KLHL14: variants seen among roughly 807,000 people sequenced by gnomAD.
KLHL14 encodes kelch like family member 14, also known as kelch-like protein 14.
KLHL14 carries 22 observed loss-of-function variants against 64.3 expected under a neutral mutation model. That is an observed-to-expected ratio of 0.34 (90% CI 0.24 to 0.49). The LOEUF is 0.49. KLHL14 is among the 20% of genes least tolerant of loss of function. The pLI, the probability that KLHL14 is intolerant of heterozygous loss-of-function variation, is 0.99. For missense variants in KLHL14, 661 were observed against 789.0 expected, an observed-to-expected ratio of 0.84 and a Z score of 1.94; for synonymous variants, 322 against 333.4, an observed-to-expected ratio of 0.97 and a Z score of 0.37.
At chr18:32,738,967 T>C (rs2144527506) in intron 3 of KLHL14, among the ~76,000 whole-genome samples, 1 of 152,290 alleles carries the variant, frequency 6.6e-6, no homozygotes, top group Admixed American at 6.5e-5. Context: ...AGTGAGTATC[T>C]GTGCACCTGC....
chr18:32,743,813 A>G (rs571117553), intron 2 of KLHL14: 1 of 152,212 alleles, frequency 6.6e-6, no homozygotes, highest in Non-Finnish European at 1.5e-5. Flanking sequence ...GAAAACATAC[A>G]TACATAATTC....
At chr18:32,747,647 C>A (rs1283652524) in intron 2 of KLHL14, among the ~76,000 whole-genome samples, 1 of 152,192 alleles carries the variant, frequency 6.6e-6, no homozygotes, top group Non-Finnish European at 1.5e-5. Flanking sequence ...CCACCACTCA[C>A]CTCCTGCTGT....
At chr18:32,690,647 T>C (rs766778320) in intron 4 of KLHL14, among the ~76,000 whole-genome samples, 1 of 152,138 alleles carries the variant, frequency 6.6e-6, no homozygotes, top group Non-Finnish European at 1.5e-5. Context: ...GAGAATCACT[T>C]GAACCCAGAA....
At chr18:32,678,421 G>C (rs1429469680) in intron 7 of KLHL14, among the ~76,000 whole-genome samples, 1 of 152,080 alleles carries the variant, frequency 6.6e-6, no homozygotes, top group Non-Finnish European at 1.5e-5. Flanking sequence ...GGTTATTTCG[G>C]TTACTAACTT....
chr18:32,678,269 C>T (rs191095116), intron 7 of KLHL14, among the ~76,000 whole-genome samples: 4 of 152,182 alleles, frequency 2.6e-5, no homozygotes, highest in Admixed American at 1.3e-4. Context: ...CTATTTTTCC[C>T]GTAGTTAAAT....
In KLHL14 at chr18:32,712,208, GA is replaced by G. The variant is rs139236837; in HGVS notation, c.1070-16657del. 5.5e-3 allele frequency among the ~76,000 whole-genome samples: 841 copies of G among 152,264 alleles called. 4 individuals carry two copies. The highest frequency in any genetic ancestry group is 0.02 in the African/African-American group (816 of 41,558). ...AAATATTTACTATCTTGCCCTTACA[GA>G]AAAAGTTTGCCCACCTTTGTCCTAA... On this transcript the variant is annotated intron_variant, in intron 3 of 8. Coordinates refer to ENST00000359358, the MANE Select transcript of KLHL14 (RefSeq NM_020805.3).
chr18:32,679,963 A>G (rs1032240503), intron 7 of KLHL14, among the ~76,000 whole-genome samples: 2 of 152,104 alleles, frequency 1.3e-5, no homozygotes, highest in African/African-American at 4.8e-5. Flanking sequence ...TTTTATGTGT[A>G]TGGTAACTTA....
At chr18:32,675,168 A>T (rs1444620153) in intron 8 of KLHL14, among the ~76,000 whole-genome samples, 1 of 152,160 alleles carries the variant, frequency 6.6e-6, no homozygotes, top group Non-Finnish European at 1.5e-5. Context: ...AGCCTGGGCA[A>T]CATAGCAAGA....
intron 4 of KLHL14, among the ~76,000 whole-genome samples, chr18:32,693,377 TACACACACAC>T (rs869067364): frequency 2.1e-5 from 2 of 96,658 alleles, no homozygotes; most frequent in African/African-American, 1.1e-4. Flanking sequence ...AAAGGGATCT[TACACACACAC>T]ACACACACAC....
At chr18:32,688,718 A>G (rs2049892751) in intron 4 of KLHL14, among the ~76,000 whole-genome samples, 1 of 152,192 alleles carries the variant, frequency 6.6e-6, no homozygotes, top group South Asian at 2.1e-4. Context: ...GGGCTGATGC[A>G]GGATTTTATA....
At chr18:32,712,357 C>T (rs1045717588) in intron 3 of KLHL14, among the ~76,000 whole-genome samples, 1 of 152,114 alleles carries the variant, frequency 6.6e-6, no homozygotes, top group African/African-American at 2.4e-5. Flanking sequence ...AAAGAATTCC[C>T]ACAGCTTCCC....
chr18:32,743,186 GAAC>G (rs1381897608), intron 2 of KLHL14: 1 of 152,190 alleles, frequency 6.6e-6, no homozygotes, highest in African/African-American at 2.4e-5. Flanking sequence ...GGAAGAAACG[GAAC>G]AACAATGATT....
At chr18:32,748,345 A>C (rs921707227) in intron 2 of KLHL14, among the ~76,000 whole-genome samples, 3 of 144,352 alleles carry the variant, frequency 2.1e-5, no homozygotes, top group African/African-American at 7.9e-5. Context: ...TGTATTTTGT[A>C]TTTTTGTATT....
At chr18:32,739,492 A>G (rs2144528034) in intron 3 of KLHL14, among the ~76,000 whole-genome samples, 1 of 152,216 alleles carries the variant, frequency 6.6e-6, no homozygotes, top group Non-Finnish European at 1.5e-5. Flanking sequence ...GTCATAGTCT[A>G]GCAGGTAATA....
At chr18:32,705,908 A>G (rs2049987822) in intron 3 of KLHL14, among the ~76,000 whole-genome samples, 1 of 152,178 alleles carries the variant, frequency 6.6e-6, no homozygotes, top group African/African-American at 2.4e-5. Flanking sequence ...CTTCTTAGAC[A>G]ATCCGGTGAT....
At chr18:32,748,652 C>CTTTT (rs34896902) in intron 2 of KLHL14, among the ~76,000 whole-genome samples, 1 of 133,056 alleles carries the variant, frequency 7.5e-6, no homozygotes, top group Non-Finnish European at 1.6e-5. Flanking sequence ...CCGCACCAGG[C>CTTTT]TTTTTTTTTT....
At chr18:32,718,885 G>A (rs2050059795) in intron 3 of KLHL14, among the ~76,000 whole-genome samples, 3 of 152,054 alleles carry the variant, frequency 2.0e-5, no homozygotes, top group Admixed American at 2.0e-4. Flanking sequence ...TTGTAAAAAT[G>A]GTACCGGCTA....
rs547115353 is a variant in KLHL14 at position 32,677,207 on chromosome 18, C to T, written c.1712G>A (p.Ser571Asn). The T allele has an allele frequency of 1.2e-6, 2 of 1,613,468 alleles. No homozygotes were observed. Among genetic ancestry groups the T allele is most frequent in the East Asian group, 2.2e-5 (1 of 44,874 alleles). The change falls in exon 8 of 9, where the codon AGC (serine) becomes AAC (asparagine). Residue 571 changes from serine to asparagine, a missense_variant. Around this residue, in one of 2 missense-constraint regions of KLHL14, gnomAD observed 330 missense variants for 450.0 expected, o/e 0.73. Transcript: ENST00000359358. The stretch of plus-strand genomic sequence containing the variant: ...GCTGTAGCCTCCCACAAGGTAAATG[C>T]TGTCATCAAGCACTGCACAGCCAGG... ...SGPGCAVLDD[S>N]IYLVGGYSWS...
rs775423286 is a variant in KLHL14, at chr18:32,770,255, C to G, written c.337G>C (p.Asp113His). ...GCCCGGGGGCTGGTCAGCAGCTTGT[C>G]GTCGGGGGAGGAAGAAGGAGTCCCG... ...EPGTPSSSPD[D>H]KLLTSPRAIN... Residue 113 changes from aspartate (D) to histidine (H), a missense_variant, in exon 2 of 9, where the codon GAC becomes CAC. This residue lies in a region of KLHL14 where 331 missense variants were observed against 339.0 expected (regional missense o/e 0.98). Transcript: ENST00000359358. This position sits in a 1 kb window ranked among gnomAD's most constrained non-coding sequence, Gnocchi z 6.7. 1 of 1,595,928 alleles carries G rather than the reference C, an allele frequency of 6.3e-7. No individual in the cohort carries two copies. The highest frequency in any genetic ancestry group is 8.6e-7 in the Non-Finnish European group (1 of 1,169,202).
Sources: allele counts gnomAD v4.1 joint callset (sites outside exome capture counted in the v4.1 genomes callset), GRCh38; gene constraint gnomAD v4.1.1; regional missense constraint gnomAD v4.1.1; non-coding constraint Gnocchi (gnomAD v3.1); transcripts MANE v1.5; gene names NCBI Gene and HGNC (gene_info 2026-07-23, HGNC 2026-07-21).